BRMS1L: variants seen among roughly 807,000 people sequenced by gnomAD.
BRMS1L encodes breast cancer metastasis-suppressor 1-like protein.
Under a neutral mutation model 50.3 loss-of-function variants are expected in BRMS1L, and 23 were observed. That is an observed-to-expected ratio of 0.46 (90% CI 0.33 to 0.65). The LOEUF (loss-of-function observed/expected upper bound fraction) is 0.65, where lower values mean the gene tolerates loss of function less well. Ranked by LOEUF, BRMS1L falls within the 30% of genes least tolerant of loss-of-function variation. BRMS1L has a pLI of 0.02. For missense variants in BRMS1L, 286 were observed against 386.1 expected, an observed-to-expected ratio of 0.74 and a Z score of 2.17; for synonymous variants, 114 against 126.9, an observed-to-expected ratio of 0.90 and a Z score of 0.69.
chr14:35,840,689 T>C (rs559115007), intron 4 of BRMS1L, among the ~76,000 whole-genome samples: 85 of 152,332 alleles, frequency 5.6e-4, no homozygotes, highest in Non-Finnish European at 8.4e-4. Flanking sequence ...GATGGTAGTT[T>C]GTATTTCTGT....
rs1453919924 is a variant in BRMS1L at position 35,862,615 on chromosome 14, C to T, written c.467C>T (p.Thr156Ile). ...CESEKLLLYDTVQSELEEKIR... is the reference protein window; with the variant it reads ...CESEKLLLYDIVQSELEEKIR... ...AGCGAAAAGCTGTTGCTATATGATA[C>T]AGTCCAGAGTGAACTAGAGGAGAAG... is the stretch of plus-strand genomic sequence containing the variant. Residue 156 changes from threonine to isoleucine, a missense_variant, in exon 5 of 10, where the codon ACA (threonine) becomes ATA (isoleucine). Thr to Ile is a moderately conservative substitution (Grantham distance 89, BLOSUM62 -1). Transcript: ENST00000216807. The T allele has an allele frequency of 3.7e-6, 6 of 1,606,906 alleles. No individual in the cohort carries two copies. The highest frequency in any genetic ancestry group is 4.3e-6 in the Non-Finnish European group (5 of 1,176,272).
At chr14:35,850,880 G>A (rs962008291) in intron 4 of BRMS1L, among the ~76,000 whole-genome samples, 1 of 152,102 alleles carries the variant, frequency 6.6e-6, no homozygotes, top group African/African-American at 2.4e-5. Context: ...TCTTACAAAA[G>A]TTGTCCCCCA....
intron 1 of BRMS1L, among the ~76,000 whole-genome samples, chr14:35,828,912 A>G (rs1199945912): frequency 6.6e-6 from 1 of 151,976 alleles, no homozygotes; most frequent in East Asian, 1.9e-4. Flanking sequence ...AGCGGGGAAT[A>G]TAGAGAAAGG....
chr14:35,830,092 G>A (rs986163013), intron 1 of BRMS1L, among the ~76,000 whole-genome samples: 1 of 151,738 alleles, frequency 6.6e-6, no homozygotes, highest in Non-Finnish European at 1.5e-5. Flanking sequence ...TTTTTGAGAT[G>A]GAGTTTCGCT....
intron 4 of BRMS1L, among the ~76,000 whole-genome samples, chr14:35,846,542 G>A (rs1426912098): frequency 6.6e-6 from 1 of 151,472 alleles, no homozygotes; most frequent in African/African-American, 2.4e-5. Context: ...GAAAATTTCA[G>A]GCCAGTTATT....
chr14:35,847,541 G>A (rs1206083733), intron 4 of BRMS1L, among the ~76,000 whole-genome samples: 1 of 152,154 alleles, frequency 6.6e-6, no homozygotes, highest in African/African-American at 2.4e-5. Context: ...TTCCTAAAAA[G>A]TCCAACGTAT....
intron 4 of BRMS1L, among the ~76,000 whole-genome samples, chr14:35,841,998 CTTT>C (rs574267347): frequency 9.8e-5 from 11 of 112,176 alleles, no homozygotes; most frequent in Admixed American, 1.9e-4. Context: ...GCAATCTCTG[CTTT>C]TTTTTTTTTT....
chr14:35,850,591 G>A (rs921840825), intron 4 of BRMS1L, among the ~76,000 whole-genome samples: 2 of 152,118 alleles, frequency 1.3e-5, no homozygotes, highest in African/African-American at 2.4e-5. Flanking sequence ...TTTTGTTGAC[G>A]TGCTTTTTGT....
At position 35,826,501 on chromosome 14, in the gene BRMS1L, A is replaced by T; in HGVS notation, c.-16A>T. 2 of 1,570,436 alleles carry T rather than the reference A, an allele frequency of 1.3e-6. No homozygotes were observed. Among genetic ancestry groups the T allele is most frequent in the Non-Finnish European group, 1.7e-6 (2 of 1,157,842 alleles). ...GGCTGGGCGCCGGTAGTGGAAAGCG[A>T]CGGCGCGGCTGGAAAATGCCAGTCC... On this transcript the variant is annotated 5_prime_UTR_variant, in exon 1 of 10. Transcript: ENST00000216807.
At position 35,839,945 on chromosome 14, in the gene BRMS1L, G is replaced by T. The variant is rs1042734016; in HGVS notation, c.441+5022G>T. ...GTGAGAGAGGACATCCTTGTCTTGT[G>T]CCGGTTTTCAAAGGGATTGCTTCCA... On this transcript the variant is annotated intron_variant, in intron 4 of 9. Coordinates refer to ENST00000216807, the MANE Select transcript of BRMS1L (RefSeq NM_032352.4). Among the ~76,000 whole-genome samples the T allele has an allele frequency of 5.9e-5, 9 of 152,270 alleles. No homozygotes were observed. The East Asian group carries it at 1.7e-3, about 29-fold the overall frequency.
At chr14:35,869,168 C>G (rs1014195273) in intron 9 of BRMS1L, among the ~76,000 whole-genome samples, 1 of 152,102 alleles carries the variant, frequency 6.6e-6, no homozygotes, top group African/African-American at 2.4e-5. Context: ...GCTCATTGAA[C>G]TACTAGTTTA....
At chr14:35,828,384 G>A (rs2077872951) in intron 1 of BRMS1L, among the ~76,000 whole-genome samples, 1 of 151,452 alleles carries the variant, frequency 6.6e-6, no homozygotes, top group Non-Finnish European at 1.5e-5. Context: ...ATGTTGTCCA[G>A]GCTGGTCTCG....
chr14:35,844,129 G>A (rs2078100839), intron 4 of BRMS1L, among the ~76,000 whole-genome samples: 1 of 152,204 alleles, frequency 6.6e-6, no homozygotes, highest in Non-Finnish European at 1.5e-5. Flanking sequence ...GGGCTTCATG[G>A]GGTTGGCATC....
In BRMS1L at chr14:35,852,286, GC is replaced by G. The variant is rs780887460; in HGVS notation, c.442-10302del. Among the ~76,000 whole-genome samples the G allele has an allele frequency of 2.0e-5, 3 of 152,276 alleles. No homozygotes were observed. The East Asian group carries it at 5.8e-4, about 29-fold the overall frequency. On this transcript the variant is annotated intron_variant, in intron 4 of 9. Coordinates refer to ENST00000216807, the MANE Select transcript of BRMS1L (RefSeq NM_032352.4). Reference sequence around the variant, plus strand: ...TAGTATCATGGTCATACCCACTGTAGCCTTAAACTCGTGGACTCAAGTGATC... The same window carrying G: ...TAGTATCATGGTCATACCCACTGTAGCTTAAACTCGTGGACTCAAGTGATC...
chr14:35,832,208 A>AAATT (rs1173957466), intron 2 of BRMS1L, among the ~76,000 whole-genome samples: 1 of 152,104 alleles, frequency 6.6e-6, no homozygotes, highest in African/African-American at 2.4e-5. Flanking sequence ...CTCTTTTAAA[A>AAATT]AATTAAGTAG....
chr14:35,830,297 G>A (rs1017589854), intron 1 of BRMS1L, among the ~76,000 whole-genome samples: 2 of 152,142 alleles, frequency 1.3e-5, no homozygotes, highest in Non-Finnish European at 2.9e-5. Flanking sequence ...TCGAACTCCT[G>A]ACCTCAGGTG....
chr14:35,838,432 G>A (rs1254013491), intron 4 of BRMS1L, among the ~76,000 whole-genome samples: 5 of 152,140 alleles, frequency 3.3e-5, no homozygotes, highest in Admixed American at 2.0e-4. Context: ...GGTTCTAGAT[G>A]CTTGAGGAAT....
intron 4 of BRMS1L, among the ~76,000 whole-genome samples, chr14:35,841,852 T>A (rs1443493814): frequency 1.3e-5 from 2 of 152,216 alleles, no homozygotes; most frequent in Non-Finnish European, 2.9e-5. Flanking sequence ...ATCTGCATGC[T>A]CCTGTATTGG....
chr14:35,827,640 C>T (rs2077862134), intron 1 of BRMS1L, among the ~76,000 whole-genome samples: 1 of 152,172 alleles, frequency 6.6e-6, no homozygotes, highest in South Asian at 2.1e-4. Context: ...CTTCTTTGTG[C>T]AGCACTGGAC....
Sources: allele counts gnomAD v4.1 joint callset (sites outside exome capture counted in the v4.1 genomes callset), GRCh38; gene constraint gnomAD v4.1.1; transcripts MANE v1.5; gene names NCBI Gene and HGNC (gene_info 2026-07-23, HGNC 2026-07-21).